The following CHORDC1 variants were observed in gnomAD, a reference collection of about 807,000 sequenced individuals.
The protein encoded by CHORDC1 is cysteine and histidine rich domain containing 1.
In CHORDC1, 25 loss-of-function variants were observed where a neutral mutation model predicts 48.3. The ratio of observed to expected loss-of-function variants is 0.52; its 90% confidence interval spans 0.38 to 0.72. The LOEUF is 0.72. Among genes scored for constraint, CHORDC1 ranks in the 30% least tolerant of loss-of-function variants. The probability of loss-of-function intolerance (pLI) is 0.00; values close to 1 mark genes in which losing one functional copy is unlikely to be tolerated. For synonymous variants in CHORDC1, 128 were observed against 126.4 expected (o/e 1.01, Z -0.09); for missense variants, 317 against 388.7 (o/e 0.82, Z 1.55).
At chr11:90,210,513 A>G (rs12787117) in intron 6 of CHORDC1, 23 bp downstream of exon 6, 258,896 of 1,499,344 alleles carry the variant, frequency 0.17, 23,888 homozygotes, top group Non-Finnish European at 0.19. Context: ...TTCATAACAC[A>G]TCACAAATCT....
Position 90,215,336 on chromosome 11 carries a change from C to T in CHORDC1, c.115-106G>A, listed in dbSNP as rs192801636. On this transcript the variant is annotated intron_variant, in intron 2 of 10. Coordinates refer to ENST00000320585, the MANE Select transcript of CHORDC1 (RefSeq NM_012124.3). Reference sequence around the variant, plus strand: ...TCTACTTGAATCCTGCAGTAACTTGCGTATAGAGTGCAAAATTTCAGTGTT... The same window carrying T: ...TCTACTTGAATCCTGCAGTAACTTGTGTATAGAGTGCAAAATTTCAGTGTT... 403 of 588,124 alleles carry T rather than the reference C, an allele frequency of 6.9e-4. 1 individual carries two copies. The highest frequency in any genetic ancestry group is 9.8e-4 in the Non-Finnish European group (342 of 349,860). 36.4% of individuals were successfully genotyped at this position (588,124 alleles called of 1,614,324 possible).
At chr11:90,210,811 A>C (rs1857840165) in intron 5 of CHORDC1, 2 of 512,078 alleles carry the variant, frequency 3.9e-6, no homozygotes, top group African/African-American at 3.8e-5. Flanking sequence ...TCCATAACAA[A>C]ATGTTATATC....
In CHORDC1 at chr11:90,215,196, A is replaced by G. The variant is rs1377296223; in HGVS notation, c.149T>C (p.Phe50Ser). The G allele has an allele frequency of 6.4e-7, 1 of 1,559,602 alleles. No homozygotes were observed. ...WSCCKRRTTD[F>S]SDFLSIVGCT... ...TACTACAATGCTTAAGAAATCAGAA[A>G]AATCAGTTGTTCTTCTCTTACAGCA... Residue 50 changes from phenylalanine (F) to serine (S), a missense_variant, in exon 3 of 11, where the codon TTT becomes TCT. By Grantham distance (155) the Phe-to-Ser change is radical (BLOSUM62 -2). Transcript: ENST00000320585.
At position 90,210,599 on chromosome 11, in the gene CHORDC1, A is replaced by G; in HGVS notation, c.434-5T>C. On this transcript the variant is annotated splice_region_variant and splice_polypyrimidine_tract_variant and intron_variant, in intron 5 of 10. Coordinates refer to ENST00000320585, the MANE Select transcript of CHORDC1 (RefSeq NM_012124.3). Reference sequence around the variant, plus strand: ...TAATTTCATCATTGTCTTCTTCTGTAACAAAGAAAAAAAAATCAAATTAAA... The same window carrying G: ...TAATTTCATCATTGTCTTCTTCTGTGACAAAGAAAAAAAAATCAAATTAAA... 6.5e-7 allele frequency: 1 copy of G among 1,547,702 alleles called. No homozygotes were observed. Among genetic ancestry groups the G allele is most frequent in the Non-Finnish European group, 8.9e-7 (1 of 1,128,742 alleles).
intron 4 of CHORDC1, chr11:90,213,338 A>C: frequency 3.5e-6 from 1 of 282,804 alleles, no homozygotes; most frequent in Non-Finnish European, 6.4e-6. Context: ...TGCAGCCAAA[A>C]AAAAAAAAAA....
chr11:90,220,349 G>A (rs12792416), intron 1 of CHORDC1, among the ~76,000 whole-genome samples: 5,773 of 152,256 alleles, frequency 0.038, 145 homozygotes, highest in Non-Finnish European at 0.058. Context: ...AAGTAAATCC[G>A]TGGGATCAGA....
chr11:90,211,343 C>T (rs1325315363), intron 4 of CHORDC1, 25 bp from the exon 5 acceptor site: 1 of 1,413,284 alleles, frequency 7.1e-7, no homozygotes, highest in African/African-American at 1.4e-5. Flanking sequence ...AACCTTATTA[C>T]CATTATTAAT....
chr11:90,214,229 A>C, intron 3 of CHORDC1, 54 bp from the exon 4 acceptor site: 1 of 1,295,874 alleles, frequency 7.7e-7, no homozygotes. Flanking sequence ...TTCATGATAG[A>C]AATATTATCT....
At chr11:90,210,280 G>A (rs1310086677) in intron 6 of CHORDC1, among the ~76,000 whole-genome samples, 1 of 152,044 alleles carries the variant, frequency 6.6e-6, no homozygotes, top group Non-Finnish European at 1.5e-5. Flanking sequence ...TTGATACTAT[G>A]TCTCCAGCCC....
At chr11:90,220,752 T>C (rs1310778515) in intron 1 of CHORDC1, among the ~76,000 whole-genome samples, 1 of 152,176 alleles carries the variant, frequency 6.6e-6, no homozygotes, top group African/African-American at 2.4e-5. Flanking sequence ...ATTTTATGGG[T>C]GAGAAGCTAC....
chr11:90,210,628 T>C, intron 5 of CHORDC1, 34 bp from the exon 6 acceptor site: 1 of 1,400,570 alleles, frequency 7.1e-7, no homozygotes, highest in African/African-American at 1.4e-5. Flanking sequence ...AATTAAAAAG[T>C]TAAAATAGAA....
intron 7 of CHORDC1, chr11:90,205,894 A>G (rs1382180110): frequency 9.0e-6 from 4 of 446,134 alleles, no homozygotes; most frequent in Non-Finnish European, 1.2e-5. Context: ...ATGCCCTGCA[A>G]TGTGTAGGAC....
At chr11:90,205,402 TA>T in intron 8 of CHORDC1, 57 bp downstream of exon 8, 5 of 1,067,494 alleles carry the variant, frequency 4.7e-6, no homozygotes, top group South Asian at 2.8e-5. Flanking sequence ...TTCAAATCTT[TA>T]AAAAATGACT....
At chr11:90,206,464 T>A (rs957507587) in intron 6 of CHORDC1, 192 bp from the exon 7 acceptor site, 6 of 503,436 alleles carry the variant, frequency 1.2e-5, no homozygotes, top group African/African-American at 9.6e-5. Context: ...CTTGGTTAAG[T>A]TTTAGGTTCC....
intron 1 of CHORDC1, among the ~76,000 whole-genome samples, chr11:90,220,893 T>C (rs1382535368): frequency 6.6e-6 from 1 of 152,084 alleles, no homozygotes; most frequent in Non-Finnish European, 1.5e-5. Flanking sequence ...AAAATACCGT[T>C]TGTGAAGCTG....
At chr11:90,204,438 G>C (rs1279362026) in intron 8 of CHORDC1, among the ~76,000 whole-genome samples, 1 of 152,046 alleles carries the variant, frequency 6.6e-6, no homozygotes, top group African/African-American at 2.4e-5. Context: ...AAAGCAACTA[G>C]GGCCAGGCGC....
chr11:90,218,281 T>A (rs772437718), intron 1 of CHORDC1, 97 bp from the exon 2 acceptor site: 38 of 860,346 alleles, frequency 4.4e-5, no homozygotes, highest in Non-Finnish European at 6.1e-5. Flanking sequence ...TTTAATCCTT[T>A]TTCCAAACGC....
At chr11:90,210,748 T>C (rs1024732585) in intron 5 of CHORDC1, 154 bp from the exon 6 acceptor site, 1 of 591,210 alleles carries the variant, frequency 1.7e-6, no homozygotes, top group African/African-American at 1.9e-5. Context: ...ATATGACACA[T>C]TTCTTCTTCT....
At chr11:90,215,085 C>G in intron 3 of CHORDC1, 89 bp downstream of exon 3, 1 of 687,902 alleles carries the variant, frequency 1.5e-6, no homozygotes. Context: ...ACCAATCAAT[C>G]TATATCAGAA....
Sources: gnomAD v4.1 joint callset for allele counts (sites outside exome capture counted in the v4.1 genomes callset) on GRCh38, gnomAD v4.1.1 for gene constraint, MANE v1.5 for transcripts, NCBI Gene and HGNC (gene_info 2026-07-23, HGNC 2026-07-21) for gene names.